Variants in CHST15 observed in about 807,000 individuals in gnomAD.
The protein encoded by CHST15 is carbohydrate sulfotransferase 15.
A neutral mutation model predicts 53.6 loss-of-function variants in CHST15; 30 were observed. The observed-to-expected ratio is 0.56, with a 90% confidence interval of 0.42 to 0.76. The LOEUF (loss-of-function observed/expected upper bound fraction) is 0.76, where lower values mean the gene tolerates loss of function less well. Among genes scored for constraint, CHST15 ranks in the 30% least tolerant of loss-of-function variants. CHST15 has a pLI of 0.00. For missense variants in CHST15, 627 were observed against 740.5 expected (o/e 0.85, Z 1.78); for synonymous variants, 296 against 289.8 (o/e 1.02, Z -0.22).
chr10:124,044,322 G>C (rs766448476), intron 3 of CHST15, among the ~76,000 whole-genome samples: 28 of 152,170 alleles, frequency 1.8e-4, no homozygotes, highest in Non-Finnish European at 2.9e-4. Context: ...TCATGTGCCC[G>C]GGCTTTCGGA....
At chr10:124,091,617 G>A (rs1248399571) in intron 1 of CHST15, among the ~76,000 whole-genome samples, 2 of 152,238 alleles carry the variant, frequency 1.3e-5, no homozygotes, top group African/African-American at 4.8e-5. Context: ...CTCACTGACC[G>A]GCTTGTCACA....
chr10:124,077,341 G>T (rs1372322597), intron 1 of CHST15, among the ~76,000 whole-genome samples: 1 of 152,146 alleles, frequency 6.6e-6, no homozygotes, highest in South Asian at 2.1e-4. Flanking sequence ...GTCTGATCTC[G>T]AACAGCATCT....
At chr10:124,068,107 C>T (rs538026038) in intron 1 of CHST15, among the ~76,000 whole-genome samples, 30 of 152,222 alleles carry the variant, frequency 2.0e-4, no homozygotes, top group African/African-American at 6.7e-4. Context: ...GCCTAATTCC[C>T]GGAATAGCTG....
chr10:124,069,258 G>C (rs1344596808), intron 1 of CHST15, among the ~76,000 whole-genome samples: 1 of 152,228 alleles, frequency 6.6e-6, no homozygotes, highest in Non-Finnish European at 1.5e-5. Flanking sequence ...GGGTTCAACT[G>C]ACTTCTGCAG....
chr10:124,044,445 G>T, intron 3 of CHST15, 135 bp downstream of exon 3: 5 of 718,116 alleles, frequency 7.0e-6, no homozygotes, highest in Non-Finnish European at 1.1e-5. Context: ...CTTTGCCTGG[G>T]AACAGCCTCC....
intron 1 of CHST15, among the ~76,000 whole-genome samples, chr10:124,067,858 G>A (rs564837696): frequency 4.6e-5 from 7 of 152,210 alleles, no homozygotes; most frequent in African/African-American, 1.4e-4. Context: ...CTCGTGATCC[G>A]CTGGCCTCGG....
At position 124,019,411 on chromosome 10, in the gene CHST15, C is replaced by T. The variant is rs949996083; in HGVS notation, c.1347+1845G>A. On this transcript the variant is annotated intron_variant, in intron 6 of 7. Coordinates refer to ENST00000435907, the MANE Select transcript of CHST15 (RefSeq NM_001270764.2). This position sits in a 1 kb window ranked among gnomAD's most constrained non-coding sequence, Gnocchi z 4.6. The stretch of plus-strand genomic sequence containing the variant: ...GTGGTTCTGGGTCACGAAGCCGGGT[C>T]GACAAGCTGTGCTGGTCAAGCCACA... Among the ~76,000 whole-genome samples, 3 of 152,118 alleles carry T rather than the reference C, an allele frequency of 2.0e-5. No homozygotes were observed. Among genetic ancestry groups the T allele is most frequent in the Admixed American group, 1.3e-4 (2 of 15,278 alleles).
chr10:124,087,944 A>G (rs1244489670), intron 1 of CHST15, among the ~76,000 whole-genome samples: 5 of 152,250 alleles, frequency 3.3e-5, no homozygotes, highest in African/African-American at 9.6e-5. Flanking sequence ...ACAGATGAGG[A>G]GACAGAGTCC....
At chr10:124,046,873 G>A (rs537156953) in intron 1 of CHST15, 149 bp from the exon 2 acceptor site, 11 of 152,236 alleles carry the variant, frequency 7.2e-5, no homozygotes, top group African/African-American at 1.2e-4. Context: ...ATAGAAAATC[G>A]CGAGCATAAA....
At chr10:124,071,332 C>A (rs1948905853) in intron 1 of CHST15, among the ~76,000 whole-genome samples, 1 of 152,232 alleles carries the variant, frequency 6.6e-6, no homozygotes, top group African/African-American at 2.4e-5. Flanking sequence ...GCCTTGTGGC[C>A]ATCTATAGGG....
Position 124,007,830 on chromosome 10 carries a change from A to G in CHST15, c.*2319T>C. The G allele has an allele frequency of 8.1e-7, 1 of 1,232,196 alleles. No homozygotes were observed. Among genetic ancestry groups the G allele is most frequent in the Non-Finnish European group, 1.0e-6 (1 of 987,972 alleles). 76.3% of individuals were successfully genotyped at this position (1,232,196 alleles called of 1,614,324 possible). On this transcript the variant is annotated 3_prime_UTR_variant, in exon 8 of 8. Transcript: ENST00000435907. Reference sequence around the variant, plus strand: ...AACACGGTCACAACTTTTGAGAACAAAAAGGAACTTCAATACCATGTTGTG... The same window carrying G: ...AACACGGTCACAACTTTTGAGAACAGAAAGGAACTTCAATACCATGTTGTG...
At chr10:124,023,964 C>T (rs988651516) in intron 5 of CHST15, among the ~76,000 whole-genome samples, 5 of 152,092 alleles carry the variant, frequency 3.3e-5, no homozygotes, top group African/African-American at 7.2e-5. Context: ...CTGCTTCAGC[C>T]TCCTGAGTAG....
At chr10:124,044,331 G>A (rs1947874110) in intron 3 of CHST15, among the ~76,000 whole-genome samples, 1 of 152,198 alleles carries the variant, frequency 6.6e-6, no homozygotes, top group Non-Finnish European at 1.5e-5. Context: ...CGGGCTTTCG[G>A]AACAAGAAGA....
intron 1 of CHST15, among the ~76,000 whole-genome samples, chr10:124,056,876 C>T (rs1291523305): frequency 6.6e-6 from 1 of 151,572 alleles, no homozygotes; most frequent in African/African-American, 2.4e-5. Flanking sequence ...CGACCGGACA[C>T]TCTGCGGCCC....
At chr10:124,049,030 A>G (rs1948099061) in intron 1 of CHST15, among the ~76,000 whole-genome samples, 1 of 152,196 alleles carries the variant, frequency 6.6e-6, no homozygotes, top group Admixed American at 6.5e-5. Flanking sequence ...CTTCCTAAAC[A>G]GAAAGACCTG....
At chr10:124,076,512 T>A (rs1949074617) in intron 1 of CHST15, among the ~76,000 whole-genome samples, 1 of 152,136 alleles carries the variant, frequency 6.6e-6, no homozygotes, top group South Asian at 2.1e-4. Flanking sequence ...CCAAGGTGAT[T>A]CAGCTGCAGC....
rs768120820 is a variant in CHST15 at position 124,008,605 on chromosome 10, T to C, written c.*1544A>G. On this transcript the variant is annotated 3_prime_UTR_variant, in exon 8 of 8. Transcript: ENST00000435907. Reference sequence around the variant, plus strand: ...AACGGGCTGTGTGTCCCTTCTCTGATGGCAGAAAGACAACACCAGCAGAAA... The same window carrying C: ...AACGGGCTGTGTGTCCCTTCTCTGACGGCAGAAAGACAACACCAGCAGAAA... The C allele has an allele frequency of 7.8e-6, 8 of 1,032,122 alleles. No homozygotes were observed. The highest frequency in any genetic ancestry group is 9.4e-6 in the Non-Finnish European group (8 of 855,584). The allele number at this position is 1,032,122 out of a possible 1,614,324, so 63.9% of individuals were successfully genotyped here. A position where few individuals can be genotyped will look rare whatever the true frequency, so the allele number is the denominator to read the frequency against.
chr10:124,070,545 AT>A lies in CHST15; in HGVS notation c.-513+22923del, dbSNP rs34590265. On this transcript the variant is annotated intron_variant, in intron 1 of 7. Transcript: ENST00000435907. ...AGGTGCACACCACCATGCTCAGCTGATTTTTTTTTTAAATAGAAACGGGGTT... is the reference window on the plus strand; with the variant it reads ...AGGTGCACACCACCATGCTCAGCTGATTTTTTTTTAAATAGAAACGGGGTT... Among the ~76,000 whole-genome samples the A allele has an allele frequency of 8.6e-3, 1,290 of 150,318 alleles. 14 individuals carry two copies. Among genetic ancestry groups the A allele is most frequent in the African/African-American group, 0.03 (1,227 of 40,946 alleles).
At position 124,024,572 on chromosome 10, in the gene CHST15, G is replaced by A. The variant is rs561215880; in HGVS notation, c.1191-3160C>T. On this transcript the variant is annotated intron_variant, in intron 5 of 7. Coordinates refer to ENST00000435907, the MANE Select transcript of CHST15 (RefSeq NM_001270764.2). The surrounding 1 kb of genome is among the most constrained non-coding windows in gnomAD (Gnocchi z 4.0). ...AGTAGATTTCCCCAGATCCACACTC[G>A]CCTGAGAATATTCCCCAAGACAACA... 5.5e-4 allele frequency among the ~76,000 whole-genome samples: 83 copies of A among 152,230 alleles called. No individual in the cohort carries two copies. Among genetic ancestry groups the A allele is most frequent in the African/African-American group, 1.7e-3 (70 of 41,542 alleles).
Sources: allele counts gnomAD v4.1 joint callset (sites outside exome capture counted in the v4.1 genomes callset), GRCh38; gene constraint gnomAD v4.1.1; non-coding constraint Gnocchi (gnomAD v3.1); transcripts MANE v1.5; gene names NCBI Gene and HGNC (gene_info 2026-07-23, HGNC 2026-07-21).